HMGCLL1: variants seen among roughly 807,000 people sequenced by gnomAD.
HMGCLL1 encodes the protein 3-hydroxymethyl-3-methylglutaryl-CoA lyase, cytoplasmic.
HMGCLL1 carries 36 observed loss-of-function variants against 39.1 expected under a neutral mutation model. That is an observed-to-expected ratio of 0.92 (90% CI 0.71 to 1.22). HMGCLL1 has a LOEUF of 1.22. Ranked by LOEUF, HMGCLL1 falls within the 50% of genes most tolerant of loss-of-function variation. The pLI, the probability that HMGCLL1 is intolerant of heterozygous loss-of-function variation, is 0.00. For synonymous variants in HMGCLL1, 149 were observed against 144.0 expected (o/e 1.03, Z -0.25); for missense variants, 451 against 416.5 (o/e 1.08, Z -0.72).
intron 7 of HMGCLL1, among the ~76,000 whole-genome samples, chr6:55,445,470 GA>G (rs1763781912): frequency 6.6e-6 from 1 of 151,924 alleles, no homozygotes; most frequent in African/African-American, 2.4e-5. Flanking sequence ...ATAAAGAGTG[GA>G]AAGACATTTT....
At chr6:55,636,853 G>T in the HMGCLL1 span, among the ~76,000 whole-genome samples, 984 of 152,178 alleles carry the variant, frequency 6.5e-3, 11 homozygotes, top group Non-Finnish European at 6.6e-3. Context: ...AGAGTTCCTG[G>T]TATCATTATT....
intron 7 of HMGCLL1, among the ~76,000 whole-genome samples, chr6:55,452,349 T>C (rs181298504): frequency 6.6e-6 from 1 of 152,326 alleles, no homozygotes; most frequent in East Asian, 1.9e-4. Context: ...TCCGTCTTTA[T>C]AAGAGGTGAG....
At chr6:55,496,959 C>G (rs1766613127) in intron 6 of HMGCLL1, among the ~76,000 whole-genome samples, 1 of 152,108 alleles carries the variant, frequency 6.6e-6, no homozygotes, top group Non-Finnish European at 1.5e-5. Flanking sequence ...CATGGATCAA[C>G]TATATTAAGT....
chr6:55,628,198 A>AATATATATATATC, the HMGCLL1 span, among the ~76,000 whole-genome samples: 176 of 75,284 alleles, frequency 2.3e-3, 11 homozygotes, highest in African/African-American at 9.3e-3. Flanking sequence ...ATATATATAT[A>AATATATATATATC]GTATATCCTA....
the HMGCLL1 span, among the ~76,000 whole-genome samples, chr6:55,672,296 A>C: frequency 7.4e-4 from 112 of 151,664 alleles, no homozygotes; most frequent in Admixed American, 1.4e-3. Context: ...ATTTTATGTC[A>C]TCTGTATCTT....
At chr6:55,567,056 C>T (rs538782181) in intron 1 of HMGCLL1, among the ~76,000 whole-genome samples, 24 of 151,998 alleles carry the variant, frequency 1.6e-4, no homozygotes, top group African/African-American at 5.5e-4. Context: ...TAGCCACATC[C>T]CTTAAAAAGA....
chr6:55,499,359 T>C (rs1489385063), intron 5 of HMGCLL1, 60 bp from the exon 6 acceptor site: 6 of 1,304,238 alleles, frequency 4.6e-6, no homozygotes, highest in African/African-American at 3.0e-5. Context: ...TTCCATTTTA[T>C]AAAAATTAAG....
the HMGCLL1 span, among the ~76,000 whole-genome samples, chr6:55,611,711 C>T: frequency 0.02 from 3,048 of 152,170 alleles, 105 homozygotes; most frequent in African/African-American, 0.069. Context: ...AAACCACATG[C>T]TTATCTCAAT....
upstream of HMGCLL1, among the ~76,000 whole-genome samples, chr6:55,581,693 C>T (rs1405474239): frequency 2.0e-5 from 3 of 151,952 alleles, no homozygotes; most frequent in Non-Finnish European, 2.9e-5. Context: ...AGGTTAGAAG[C>T]TTGGGCTCCA....
At chr6:55,552,918 G>T (rs1475257026) in intron 1 of HMGCLL1, among the ~76,000 whole-genome samples, 1 of 151,800 alleles carries the variant, frequency 6.6e-6, no homozygotes, top group Non-Finnish European at 1.5e-5. Context: ...AAGGCGGCTG[G>T]ATCACCTGAG....
In HMGCLL1 at chr6:55,563,822, T is replaced by C. The variant is rs1771082426; in HGVS notation, c.108+15126A>G. 2.4e-6 allele frequency: 3 copies of C among 1,227,552 alleles called. No homozygotes were observed. In the African/African-American group the frequency reaches 4.7e-5, roughly 19 times the overall value. The allele number at this position is 1,227,552 out of a possible 1,614,324, so 76.0% of individuals were successfully genotyped here. ...GTTAGGCTTCTCCTATTCTCACCTT[T>C]AGTAAAAGAGGGAGAGGTGCCCTCA... On this transcript the variant is annotated intron_variant, in intron 1 of 8. Transcript: ENST00000274901.
chr6:55,553,195 A>T (rs1253169269), intron 1 of HMGCLL1, among the ~76,000 whole-genome samples: 22 of 136,428 alleles, frequency 1.6e-4, no homozygotes, highest in Non-Finnish European at 2.7e-4. Flanking sequence ...ACACACACAC[A>T]CACACACATA....
intron 7 of HMGCLL1, among the ~76,000 whole-genome samples, chr6:55,455,524 A>T (rs1249441064): frequency 1.3e-5 from 2 of 152,226 alleles, no homozygotes; most frequent in African/African-American, 4.8e-5. Flanking sequence ...ATGTCTAGAA[A>T]ACATAATATA....
chr6:55,438,950 C>T (rs1763480526), intron 8 of HMGCLL1, among the ~76,000 whole-genome samples: 1 of 152,002 alleles, frequency 6.6e-6, no homozygotes, highest in South Asian at 2.1e-4. Flanking sequence ...TTCTTGCCAT[C>T]CAGTGTCTCA....
chr6:55,613,856 T>C, the HMGCLL1 span, among the ~76,000 whole-genome samples: 10 of 152,262 alleles, frequency 6.6e-5, no homozygotes, highest in East Asian at 1.9e-3. Context: ...TGTTGATAGA[T>C]GTAGCAAACC....
At chr6:55,477,308 A>ATATTATATAAATATAATATATAT (rs1765441986) in intron 7 of HMGCLL1, among the ~76,000 whole-genome samples, 1 of 14,294 alleles carries the variant, frequency 7.0e-5, no homozygotes, top group African/African-American at 7.9e-4. Context: ...TATATATTAT[A>ATATTATATAAATATAATATATAT]TATATAATAT....
chr6:55,571,848 A>G (rs1188940648), intron 1 of HMGCLL1, among the ~76,000 whole-genome samples: 1 of 152,118 alleles, frequency 6.6e-6, no homozygotes. Context: ...AAACATGATT[A>G]GAGGTAAATT....
chr6:55,596,642 T>C, the HMGCLL1 span, among the ~76,000 whole-genome samples: 1 of 152,212 alleles, frequency 6.6e-6, no homozygotes, highest in Non-Finnish European at 1.5e-5. Flanking sequence ...AATAAAAACA[T>C]AGTAAAAGTT....
At chr6:55,608,558 G>A in the HMGCLL1 span, among the ~76,000 whole-genome samples, 17,902 of 152,004 alleles carry the variant, frequency 0.12, 1,294 homozygotes, top group African/African-American at 0.19. Context: ...GTTAAAAATA[G>A]CAGCAAAATA....
Sources: allele counts gnomAD v4.1 joint callset (sites outside exome capture counted in the v4.1 genomes callset), GRCh38; gene constraint gnomAD v4.1.1; transcripts MANE v1.5; gene names NCBI Gene and HGNC (gene_info 2026-07-23, HGNC 2026-07-21).